Variants in METTL21A observed in about 807,000 individuals in gnomAD.
The protein encoded by METTL21A is protein N-lysine methyltransferase METTL21A.
A neutral mutation model predicts 20.9 loss-of-function variants in METTL21A; 22 were observed. The ratio of observed to expected loss-of-function variants is 1.05; its 90% CI spans 0.75 to 1.50. The LOEUF is 1.50. METTL21A is among the 40% of genes most tolerant of loss of function. The pLI is 0.00. For missense variants in METTL21A, 271 were observed against 266.8 expected, an observed-to-expected ratio of 1.02 and a Z score of -0.11; for synonymous variants, 93 against 102.0, an observed-to-expected ratio of 0.91 and a Z score of 0.53.
exon 3 of METTL21A, chr2:207,621,858 G>C: frequency 6.2e-7 from 1 of 1,614,170 alleles, no homozygotes; most frequent in Non-Finnish European, 8.5e-7. Context: ...CCAGCTCCAC[G>C]GCAGAGCGGC....
intron 3 of METTL21A, chr2:207,582,868 G>GTGACA: frequency 2.2e-5 from 7 of 317,372 alleles, no homozygotes; most frequent in Non-Finnish European, 4.4e-5. Context: ...TCCAGCCTGA[G>GTGACA]TGACAGAGTG....
chr2:207,586,299 G>T (rs190886798), intron 3 of METTL21A, among the ~76,000 whole-genome samples: 2 of 152,256 alleles, frequency 1.3e-5, no homozygotes, highest in Admixed American at 6.5e-5. Context: ...CAGCAAATGT[G>T]CCAAGAACAT....
chr2:207,596,865 A>G (rs2086278930), intron 3 of METTL21A: 2 of 1,575,780 alleles, frequency 1.3e-6, no homozygotes, highest in African/African-American at 1.4e-5. Context: ...TCCAAAATAA[A>G]TATGTGGAAA....
rs1000793142 is a variant in METTL21A, at chr2:207,612,972, A to G, written c.*74T>C. ...TTTTTGTACAGTAAGACATTTCATTAAATATGGTTAGATTTGCAGTCTAAG... is the reference window on the plus strand; with the variant it reads ...TTTTTGTACAGTAAGACATTTCATTGAATATGGTTAGATTTGCAGTCTAAG... On this transcript the variant is annotated 3_prime_UTR_variant, in exon 4 of 4. Coordinates refer to ENST00000406927, the Ensembl canonical transcript of METTL21A. 3 of 1,412,422 alleles carry G rather than the reference A, an allele frequency of 2.1e-6. No homozygotes were observed. In the African/African-American group the frequency reaches 4.3e-5, roughly 20 times the overall value. The allele number at this position is 1,412,422 out of a possible 1,614,324, so 87.5% of individuals were successfully genotyped here.
At chr2:207,590,268 G>A (rs1021395364) in intron 3 of METTL21A, among the ~76,000 whole-genome samples, 3 of 151,570 alleles carry the variant, frequency 2.0e-5, no homozygotes, top group African/African-American at 7.3e-5. Context: ...TGTCAGTAGG[G>A]ATGTCCCCCC....
intron 3 of METTL21A, among the ~76,000 whole-genome samples, chr2:207,584,132 T>C (rs1156556441): frequency 6.6e-6 from 1 of 152,174 alleles, no homozygotes; most frequent in African/African-American, 2.4e-5. Context: ...CACATAAAGG[T>C]TTTTATATGA....
At chr2:207,603,790 G>C (rs756632384) in intron 3 of METTL21A, among the ~76,000 whole-genome samples, 20 of 152,200 alleles carry the variant, frequency 1.3e-4, no homozygotes, top group South Asian at 2.1e-4. Flanking sequence ...AAAACTCTGT[G>C]ATCATATAAA....
At position 207,587,029 on chromosome 2, in the gene METTL21A, G is replaced by T. The variant is rs543327532; in HGVS notation, c.260-4869C>A. 1.1e-4 allele frequency among the ~76,000 whole-genome samples: 16 copies of T among 152,296 alleles called. No individual in the cohort carries two copies. In the East Asian group the frequency reaches 3.1e-3, roughly 29 times the overall value. ...GAACTCTTTCTAACTCTTTGTGTTA[G>T]AATTGTCTCAGTGTTGATGAGAATG... On this transcript the variant is annotated intron_variant, in intron 3 of 3. Coordinates refer to the METTL21A transcript ENST00000425132.
At chr2:207,622,054 C>T (rs2090550142) in intron 2 of METTL21A, 137 bp from the exon 3 acceptor site, 1 of 724,798 alleles carries the variant, frequency 1.4e-6, no homozygotes. Context: ...AGGAACTTAG[C>T]TGGTGCAGCA....
downstream of METTL21A, among the ~76,000 whole-genome samples, chr2:207,608,523 A>G (rs754998568): frequency 6.6e-6 from 1 of 152,114 alleles, no homozygotes; most frequent in African/African-American, 2.4e-5. Flanking sequence ...AAACAACCCA[A>G]TAACAGCTTA....
At chr2:207,614,129 A>G (rs377101343) in intron 3 of METTL21A, among the ~76,000 whole-genome samples, 8 of 149,632 alleles carry the variant, frequency 5.3e-5, no homozygotes, top group African/African-American at 2.0e-4. Context: ...GGCCAGGTAC[A>G]GTGGCTCATG....
intron 3 of METTL21A, among the ~76,000 whole-genome samples, chr2:207,592,472 T>A (rs1444579145): frequency 6.6e-6 from 1 of 152,072 alleles, no homozygotes; most frequent in Non-Finnish European, 1.5e-5. Flanking sequence ...AATCTGTGTG[T>A]ATATAATGCT....
chr2:207,580,677 G>T (rs1048687372), downstream of METTL21A: 7 of 221,036 alleles, frequency 3.2e-5, no homozygotes, highest in Non-Finnish European at 4.5e-5. Flanking sequence ...AAGGTAAGTG[G>T]TAAACATTCT....
chr2:207,584,650 C>T (rs767157602), intron 3 of METTL21A, among the ~76,000 whole-genome samples: 1 of 152,194 alleles, frequency 6.6e-6, no homozygotes, highest in African/African-American at 2.4e-5. Context: ...GATCCACCCA[C>T]CTCGGCCTCC....
At chr2:207,617,925 AG>A (rs2089993488) in intron 3 of METTL21A, among the ~76,000 whole-genome samples, 1 of 152,202 alleles carries the variant, frequency 6.6e-6, no homozygotes, top group Non-Finnish European at 1.5e-5. Context: ...ACTACTTAGA[AG>A]GTGATGCCAA....
At chr2:207,602,983 T>A (rs771686995) in intron 3 of METTL21A, 59 of 214,362 alleles carry the variant, frequency 2.8e-4, no homozygotes, top group Non-Finnish European at 4.5e-4. Flanking sequence ...GAAAGGTGTT[T>A]GGCTTTTTGG....
chr2:207,623,525 G>A (rs2090758855), intron 2 of METTL21A, among the ~76,000 whole-genome samples: 1 of 152,078 alleles, frequency 6.6e-6, no homozygotes, highest in South Asian at 2.1e-4. Flanking sequence ...CTCCATTTTG[G>A]GCTCTGCCAC....
At chr2:207,597,989 A>G (rs2086447402) in intron 3 of METTL21A, 1 of 183,466 alleles carries the variant, frequency 5.5e-6, no homozygotes, top group Non-Finnish European at 1.2e-5. Context: ...ACGTAAAAAG[A>G]TATTTCTAAT....
downstream of METTL21A, chr2:207,609,177 T>C (rs903986008): frequency 6.6e-6 from 1 of 152,300 alleles, no homozygotes; most frequent in Non-Finnish European, 1.5e-5. Flanking sequence ...AAACAACATA[T>C]TGGATATTTT....
Sources: allele counts gnomAD v4.1 joint callset (sites outside exome capture counted in the v4.1 genomes callset), GRCh38; gene constraint gnomAD v4.1.1; transcripts MANE v1.5; gene names NCBI Gene and HGNC (gene_info 2026-07-23, HGNC 2026-07-21).